Variants in TMEM39B observed in about 807,000 individuals in gnomAD.
TMEM39B encodes transmembrane protein 39B.
Under a neutral mutation model 52.2 loss-of-function variants are expected in TMEM39B, and 23 were observed. That is an observed-to-expected ratio of 0.44 (90% CI 0.32 to 0.62). The LOEUF (loss-of-function observed/expected upper bound fraction) is 0.62. Ranked by LOEUF, TMEM39B falls within the 20% of genes least tolerant of loss-of-function variation. The pLI, the probability that TMEM39B is intolerant of heterozygous loss-of-function variation, is 0.06. For missense variants in TMEM39B, 547 were observed against 642.0 expected, an observed-to-expected ratio of 0.85 and a Z score of 1.60; for synonymous variants, 285 against 264.0, an observed-to-expected ratio of 1.08 and a Z score of -0.77.
At chr1:32,093,868 G>A (rs944319034) in intron 6 of TMEM39B, among the ~76,000 whole-genome samples, 1 of 151,940 alleles carries the variant, frequency 6.6e-6, no homozygotes, top group African/African-American at 2.4e-5. Context: ...GCCCAGGCTG[G>A]AGTACAGTGG....
At chr1:32,091,161 TC>T (rs1481359113) in intron 5 of TMEM39B, among the ~76,000 whole-genome samples, 1 of 152,134 alleles carries the variant, frequency 6.6e-6, no homozygotes, top group Admixed American at 6.6e-5. Flanking sequence ...ACCAAACAGT[TC>T]TGATTTTGAG....
At chr1:32,079,154 A>G (rs1422855574) in intron 5 of TMEM39B, among the ~76,000 whole-genome samples, 1 of 149,970 alleles carries the variant, frequency 6.7e-6, no homozygotes, top group Admixed American at 6.6e-5. Flanking sequence ...CTACTGATCA[A>G]CACAGGAGTT....
chr1:32,072,248 T>C (rs1026548681), upstream of TMEM39B: 3 of 151,826 alleles, frequency 2.0e-5, no homozygotes, highest in African/African-American at 7.2e-5. Flanking sequence ...TGACAATAAA[T>C]GTAGCTCATT....
chr1:32,072,996 A>G lies in TMEM39B; in HGVS notation c.-52A>G, dbSNP rs1468822560. ...TCTCCCGGCCGCCGTCGCCTCCGACATATTGCCCGCAGGAGCTGCGGCGGC... is the reference window on the plus strand; with the variant it reads ...TCTCCCGGCCGCCGTCGCCTCCGACGTATTGCCCGCAGGAGCTGCGGCGGC... On this transcript the variant is annotated 5_prime_UTR_variant, in exon 1 of 9. Transcript: ENST00000336294. 1 of 1,533,150 alleles carries G rather than the reference A, an allele frequency of 6.5e-7. No homozygotes were observed. Among genetic ancestry groups the G allele is most frequent in the African/African-American group, 1.4e-5 (1 of 71,156 alleles). The allele number at this position is 1,533,150 out of a possible 1,614,324, so 95.0% of individuals were successfully genotyped here. A position where few individuals can be genotyped will look rare whatever the true frequency, so the allele number is the denominator to read the frequency against.
intron 2 of TMEM39B, 38 bp from the exon 3 acceptor site, chr1:32,075,565 C>G: frequency 4.6e-6 from 7 of 1,529,700 alleles, no homozygotes; most frequent in Middle Eastern, 2.2e-4. Flanking sequence ...GTAGGATTCT[C>G]AGGTCAGCTG....
At position 32,080,998 on chromosome 1, in the gene TMEM39B, TCAG is replaced by T. The variant is rs1386623993; in HGVS notation, c.590+3682_590+3684del. 2.0e-5 allele frequency among the ~76,000 whole-genome samples: 3 copies of T among 151,930 alleles called. No homozygotes were observed. In the East Asian group the frequency reaches 5.8e-4, roughly 29 times the overall value. ...TGAGCCATGATCACACCAGTGCACT[TCAG>T]CGTGGACAACAGAGTGAGACCCTGT... On this transcript the variant is annotated intron_variant, in intron 5 of 8. Coordinates refer to ENST00000336294, the MANE Select transcript of TMEM39B (RefSeq NM_018056.4).
In TMEM39B at chr1:32,094,963, G is replaced by A. The variant is rs1640759562; in HGVS notation, c.1107G>A (p.Leu369=). The change falls in exon 7 of 9, where the codon CTG becomes CTA. Residue 369 remains leucine, a synonymous_variant. Coordinates refer to ENST00000336294, the MANE Select transcript of TMEM39B (RefSeq NM_018056.4). ...ACCCAGCGCTGTGCTCCAACGTGCTGCAGCACCCGTGAGTCACCCTACCCT... is the reference window on the plus strand; with the variant it reads ...ACCCAGCGCTGTGCTCCAACGTGCTACAGCACCCGTGAGTCACCCTACCCT... ...KVDPALCSNV[L]QHPWTEECMW... is the part of the protein sequence containing the mutation. The A allele has an allele frequency of 6.2e-7, 1 of 1,613,212 alleles. No homozygotes were observed. Among genetic ancestry groups the A allele is most frequent in the Non-Finnish European group, 8.5e-7 (1 of 1,180,012 alleles).
At chr1:32,076,424 C>T (rs1639863345) in intron 3 of TMEM39B, 2 of 397,842 alleles carry the variant, frequency 5.0e-6, no homozygotes, top group East Asian at 1.2e-4. Context: ...AGCTGAGAGT[C>T]TTAATCCAGT....
intron 1 of TMEM39B, chr1:32,073,517 G>A (rs1639728992): frequency 1.0e-6 from 1 of 998,052 alleles, no homozygotes; most frequent in African/African-American, 1.7e-5. Flanking sequence ...TTGTGGGCGG[G>A]GTTTCTGGGC....
rs183608958 is a variant in TMEM39B at position 32,083,567 on chromosome 1, C to T, written c.590+6249C>T. Among the ~76,000 whole-genome samples the T allele has an allele frequency of 4.4e-3, 658 of 150,326 alleles. 4 individuals carry two copies. The highest frequency in any genetic ancestry group is 0.015 in the African/African-American group (632 of 40,858). ...CCTCCCGAGTAGCTGGGACTACACG[C>T]GCCCGCCACCACGCCTGGCTAATTT... On this transcript the variant is annotated intron_variant, in intron 5 of 8. Transcript: ENST00000336294.
intron 3 of TMEM39B, chr1:32,076,433 G>A (rs1210298927): frequency 3.4e-5 from 14 of 413,676 alleles, no homozygotes; most frequent in Non-Finnish European, 6.0e-5. Context: ...TCTTAATCCA[G>A]TAGTGGAGAT....
rs144642696 is a variant in TMEM39B at position 32,097,551 on chromosome 1, C to T, written c.1115+2580C>T. The stretch of plus-strand genomic sequence containing the variant: ...TTCACCATGCTGGCCAGGCTGGTCA[C>T]GAACTCCCAACCTCGTGATCTGCCT... On this transcript the variant is annotated intron_variant, in intron 7 of 8. Transcript: ENST00000336294. 5.5e-3 allele frequency among the ~76,000 whole-genome samples: 835 copies of T among 152,068 alleles called. 11 individuals carry two copies. Among genetic ancestry groups the T allele is most frequent in the African/African-American group, 0.019 (804 of 41,480 alleles).
At chr1:32,081,419 C>T (rs1006951260) in intron 5 of TMEM39B, among the ~76,000 whole-genome samples, 2 of 151,936 alleles carry the variant, frequency 1.3e-5, no homozygotes, top group African/African-American at 4.8e-5. Context: ...CTACAGGCAT[C>T]AGCCACTGTA....
At chr1:32,078,138 TG>T (rs2124433794) in intron 5 of TMEM39B, among the ~76,000 whole-genome samples, 1 of 152,286 alleles carries the variant, frequency 6.6e-6, no homozygotes, top group East Asian at 1.9e-4. Flanking sequence ...AAAAAGGCAC[TG>T]GCATGGGAGC....
intron 5 of TMEM39B, among the ~76,000 whole-genome samples, chr1:32,080,140 G>T (rs888113727): frequency 6.6e-6 from 1 of 151,776 alleles, no homozygotes; most frequent in African/African-American, 2.4e-5. Flanking sequence ...CGCCCACCTT[G>T]GTCTCCCAAA....
intron 1 of TMEM39B, chr1:32,073,842 T>G: frequency 1.0e-6 from 1 of 985,378 alleles, no homozygotes; most frequent in Non-Finnish European, 1.2e-6. Context: ...GGGGTGTATG[T>G]GAATGGAGGC....
At chr1:32,100,413 T>C in intron 7 of TMEM39B, 29 bp from the exon 8 acceptor site, 1 of 1,536,134 alleles carries the variant, frequency 6.5e-7, no homozygotes, top group South Asian at 1.3e-5. Context: ...GAGCTGGGGA[T>C]AAGGGGCACC....
intron 6 of TMEM39B, among the ~76,000 whole-genome samples, chr1:32,093,600 C>T (rs889717014): frequency 3.3e-5 from 5 of 149,648 alleles, no homozygotes; most frequent in Admixed American, 1.3e-4. Flanking sequence ...TTAGTAGAGA[C>T]GGGGTTTCGC....
At chr1:32,092,097 A>T in intron 6 of TMEM39B, 86 bp downstream of exon 6, 1 of 1,262,136 alleles carries the variant, frequency 7.9e-7, no homozygotes, top group Non-Finnish European at 1.1e-6. Context: ...TGCTGGCCTA[A>T]CTATGCTGTT....
Sources: gnomAD v4.1 joint callset for allele counts (sites outside exome capture counted in the v4.1 genomes callset) on GRCh38, gnomAD v4.1.1 for gene constraint, MANE v1.5 for transcripts, NCBI Gene and HGNC (gene_info 2026-07-23, HGNC 2026-07-21) for gene names.